The following RBMS3 variants were observed in gnomAD, a reference collection of about 807,000 sequenced individuals.
The protein encoded by RBMS3 is RNA-binding motif, single-stranded-interacting protein 3.
RBMS3 carries 27 observed loss-of-function variants against 66.8 expected under a neutral mutation model. The ratio of observed to expected loss-of-function variants is 0.40; its 90% CI spans 0.30 to 0.56. The LOEUF is 0.56. RBMS3 is among the 20% of genes least tolerant of loss of function. The pLI is 0.40. For synonymous variants in RBMS3, 188 were observed against 183.0 expected (o/e 1.03, Z -0.22); for missense variants, 513 against 549.5 (o/e 0.93, Z 0.66).
chr3:29,794,658 T>C (rs1395293489), intron 6 of RBMS3, among the ~76,000 whole-genome samples: 2 of 152,146 alleles, frequency 1.3e-5, no homozygotes, highest in East Asian at 3.9e-4. Context: ...AAATGGGTGT[T>C]CAGGCACATG....
At chr3:29,339,223 G>A (rs2036137777) in intron 1 of RBMS3, among the ~76,000 whole-genome samples, 1 of 152,158 alleles carries the variant, frequency 6.6e-6, no homozygotes, top group Admixed American at 6.6e-5. Context: ...CCCCAATCCT[G>A]TTTTCACCGA....
rs151212327 is a variant in RBMS3, at chr3:29,450,577, C to T, written c.248+15662C>T. Among the ~76,000 whole-genome samples the T allele has an allele frequency of 6.2e-3, 937 of 152,220 alleles. 9 individuals carry two copies. The highest frequency in any genetic ancestry group is 0.021 in the African/African-American group (870 of 41,556). On this transcript the variant is annotated intron_variant, in intron 2 of 14. Coordinates refer to ENST00000383767, the MANE Select transcript of RBMS3 (RefSeq NM_001003793.3). ...CACCTAAATTCAAAATCCTATGTTG[C>T]CTCTTTGCACAGTCCTGCTTGGCAT... is the stretch of plus-strand genomic sequence containing the variant.
chr3:29,564,525 T>G (rs1379474114), intron 3 of RBMS3, among the ~76,000 whole-genome samples: 1 of 151,776 alleles, frequency 6.6e-6, no homozygotes, highest in Non-Finnish European at 1.5e-5. Flanking sequence ...GAGACTAGGT[T>G]ACCTTATGTA....
intron 2 of RBMS3, among the ~76,000 whole-genome samples, chr3:29,452,560 C>A (rs78279672): frequency 0.021 from 3,140 of 152,216 alleles, 48 homozygotes; most frequent in Admixed American, 0.045. Context: ...CGTAAGCCAA[C>A]TTCAAGTGTT....
At chr3:29,440,464 A>G (rs1012613730) in intron 2 of RBMS3, among the ~76,000 whole-genome samples, 1 of 152,200 alleles carries the variant, frequency 6.6e-6, no homozygotes, top group African/African-American at 2.4e-5. Context: ...TTGGGTAGGT[A>G]CATACATATT....
intron 12 of RBMS3, among the ~76,000 whole-genome samples, chr3:29,973,361 A>T (rs1697345824): frequency 6.6e-6 from 1 of 151,984 alleles, no homozygotes; most frequent in African/African-American, 2.4e-5. Context: ...CCTGGGTACT[A>T]TGGTGAATGT....
rs1399547076 is a variant in RBMS3, at chr3:29,479,742, TTA to T, written c.249-8697_249-8696del. Among the ~76,000 whole-genome samples the T allele has an allele frequency of 5.9e-5, 9 of 152,342 alleles. 1 individual carries two copies. The highest frequency in any genetic ancestry group is 7.3e-5 in the Non-Finnish European group (5 of 68,040). On this transcript the variant is annotated intron_variant, in intron 2 of 14. Transcript: ENST00000383767. Reference sequence around the variant, plus strand: ...AGGCTCAGTCAGCTTGGAAATTTTTTTATTTTTCCTTTGCATTGCTTTGTAAA... The same window carrying T: ...AGGCTCAGTCAGCTTGGAAATTTTTTTTTTTCCTTTGCATTGCTTTGTAAA...
chr3:29,818,224 TAAG>T (rs1177000919), intron 6 of RBMS3, among the ~76,000 whole-genome samples: 3 of 152,148 alleles, frequency 2.0e-5, no homozygotes, highest in Admixed American at 1.3e-4. Flanking sequence ...GTAAATGACC[TAAG>T]AAGTTGTGTA....
At chr3:29,881,487 T>C (rs1276299293) in intron 7 of RBMS3, among the ~76,000 whole-genome samples, 1 of 152,148 alleles carries the variant, frequency 6.6e-6, no homozygotes, top group African/African-American at 2.4e-5. Context: ...GTTAAATAAT[T>C]TGCCCAAAGT....
At chr3:29,449,629 A>T (rs1316117821) in intron 2 of RBMS3, among the ~76,000 whole-genome samples, 1 of 152,232 alleles carries the variant, frequency 6.6e-6, no homozygotes, top group East Asian at 1.9e-4. Flanking sequence ...AATGTTAATT[A>T]AACAAAACAC....
intron 6 of RBMS3, among the ~76,000 whole-genome samples, chr3:29,836,629 T>G (rs982865324): frequency 6.6e-6 from 1 of 152,012 alleles, no homozygotes; most frequent in African/African-American, 2.4e-5. Context: ...GGAGACTTTA[T>G]GTACATACGG....
intron 6 of RBMS3, among the ~76,000 whole-genome samples, chr3:29,784,685 T>C (rs2056758902): frequency 6.6e-6 from 1 of 151,638 alleles, no homozygotes; most frequent in African/African-American, 2.4e-5. Context: ...GTAACAAAGA[T>C]CAGAGCAGAA....
chr3:29,476,163 A>G (rs2042940183), intron 2 of RBMS3, among the ~76,000 whole-genome samples: 1 of 152,228 alleles, frequency 6.6e-6, no homozygotes, highest in South Asian at 2.1e-4. Context: ...AGACAGCACT[A>G]CACAAACTTC....
rs144973582 is a variant in RBMS3, at chr3:30,007,491, G to A, written c.*3629G>A. ...ATCCAAATGAGAGAAACACTGTCTC[G>A]TCTAAACTCTAGTTTCATGGTCAGT... is the stretch of plus-strand genomic sequence containing the variant. On this transcript the variant is annotated 3_prime_UTR_variant, in exon 15 of 15. Coordinates refer to ENST00000383767, the MANE Select transcript of RBMS3 (RefSeq NM_001003793.3). 7.6e-4 allele frequency: 116 copies of A among 152,086 alleles called. No homozygotes were observed. The highest frequency in any genetic ancestry group is 2.7e-3 in the African/African-American group (111 of 41,518). 9.4% of individuals were successfully genotyped at this position (152,086 alleles called of 1,614,324 possible).
intron 3 of RBMS3, among the ~76,000 whole-genome samples, chr3:29,509,423 T>G (rs528622787): frequency 6.6e-6 from 1 of 152,246 alleles, no homozygotes; most frequent in East Asian, 1.9e-4. Flanking sequence ...ATGATAGCAG[T>G]TTTTTCAAAT....
At position 29,529,136 on chromosome 3, in the gene RBMS3, G is replaced by A. The variant is rs78949466; in HGVS notation, c.307+40637G>A. On this transcript the variant is annotated intron_variant, in intron 3 of 14. Transcript: ENST00000383767. Reference sequence around the variant, plus strand: ...AAATAAAATCTGTCATTGATTTGCTGCTCATATTTTAGAATTGAAAATGAG... The same window carrying A: ...AAATAAAATCTGTCATTGATTTGCTACTCATATTTTAGAATTGAAAATGAG... Among the ~76,000 whole-genome samples the A allele has an allele frequency of 5.4e-3, 823 of 152,246 alleles. 11 individuals carry two copies. Among genetic ancestry groups the A allele is most frequent in the African/African-American group, 0.019 (798 of 41,546 alleles).
intron 9 of RBMS3, 28 bp from the exon 10 acceptor site, chr3:29,899,677 G>T: frequency 1.2e-6 from 2 of 1,604,230 alleles, no homozygotes. Flanking sequence ...TGATTGCTTT[G>T]TGCTAATAAA....
At chr3:29,774,691 C>A (rs954043555) in intron 6 of RBMS3, among the ~76,000 whole-genome samples, 1 of 151,916 alleles carries the variant, frequency 6.6e-6, no homozygotes, top group African/African-American at 2.4e-5. Flanking sequence ...CTGATTCTCT[C>A]ATGAATGTAA....
At chr3:29,974,072 C>T (rs1164928353) in intron 12 of RBMS3, among the ~76,000 whole-genome samples, 4 of 151,946 alleles carry the variant, frequency 2.6e-5, no homozygotes, top group Non-Finnish European at 4.4e-5. Flanking sequence ...TTCTTTTGAA[C>T]AGCTGGATAT....
Sources: allele counts gnomAD v4.1 joint callset (sites outside exome capture counted in the v4.1 genomes callset), GRCh38; gene constraint gnomAD v4.1.1; transcripts MANE v1.5; gene names NCBI Gene and HGNC (gene_info 2026-07-23, HGNC 2026-07-21).